The following ST6GALNAC3 variants were observed in gnomAD, a reference collection of about 807,000 sequenced individuals.
The protein encoded by ST6GALNAC3 is alpha-N-acetylgalactosaminide alpha-2,6-sialyltransferase 3.
ST6GALNAC3 carries 25 observed loss-of-function variants against 32.7 expected under a neutral mutation model. The ratio of observed to expected loss-of-function variants is 0.76; its 90% CI spans 0.56 to 1.07. The LOEUF is 1.07. Among genes scored for constraint, ST6GALNAC3 ranks in the 50% least tolerant of loss-of-function variants. The pLI, the probability that ST6GALNAC3 is intolerant of heterozygous loss-of-function variation, is 0.00. For missense variants in ST6GALNAC3, 355 were observed against 382.4 expected, an observed-to-expected ratio of 0.93 and a Z score of 0.60; for synonymous variants, 129 against 133.1, an observed-to-expected ratio of 0.97 and a Z score of 0.21.
chr1:76,558,015 T>A (rs1266536400), intron 3 of ST6GALNAC3, among the ~76,000 whole-genome samples: 1 of 151,996 alleles, frequency 6.6e-6, no homozygotes, highest in Non-Finnish European at 1.5e-5. Flanking sequence ...TGATAAATAT[T>A]TCCCCAAAAA....
intron 1 of ST6GALNAC3, among the ~76,000 whole-genome samples, chr1:76,173,231 G>A (rs1328635905): frequency 6.6e-6 from 1 of 152,116 alleles, no homozygotes; most frequent in African/African-American, 2.4e-5. Flanking sequence ...AATAAGCAAT[G>A]GGAAAGAATC....
rs375441043 is a variant in ST6GALNAC3 at position 76,628,766 on chromosome 1, A to G, written c.878A>G (p.His293Arg). 1 of 1,612,290 alleles carries G rather than the reference A, an allele frequency of 6.2e-7. No homozygotes were observed. Among genetic ancestry groups the G allele is most frequent in the African/African-American group, 1.3e-5 (1 of 74,852 alleles). The change falls in exon 5 of 5, where the codon CAC becomes CGC. Residue 293 changes from histidine (H) to arginine (R), a missense_variant. Transcript: ENST00000328299. ...KKVFAKWAKK[H>R]RIIFTHPNWT... ...GTGTTTGCTAAATGGGCCAAGAAGC[A>G]CAGGATAATATTTACACATCCAAAC...
At chr1:76,239,517 G>A (rs1656847606) in intron 1 of ST6GALNAC3, among the ~76,000 whole-genome samples, 1 of 152,078 alleles carries the variant, frequency 6.6e-6, no homozygotes, top group Non-Finnish European at 1.5e-5. Context: ...AGGCAAAGGG[G>A]GAGCAGGTGT....
intron 1 of ST6GALNAC3, among the ~76,000 whole-genome samples, chr1:76,302,884 G>A (rs908292938): frequency 3.3e-5 from 5 of 151,942 alleles, no homozygotes; most frequent in Non-Finnish European, 5.9e-5. Context: ...TATTGAAAAC[G>A]AAAGTACACT....
chr1:76,083,130 G>A (rs568315244), intron 1 of ST6GALNAC3, among the ~76,000 whole-genome samples: 1 of 152,318 alleles, frequency 6.6e-6, no homozygotes, highest in East Asian at 1.9e-4. Context: ...CTTGCTCTGA[G>A]AAGATCATGA....
chr1:76,440,954 G>T (rs1656537191), intron 3 of ST6GALNAC3, among the ~76,000 whole-genome samples: 1 of 152,030 alleles, frequency 6.6e-6, no homozygotes, highest in African/African-American at 2.4e-5. Context: ...TGGGCATGGT[G>T]GGGTGTGCCT....
At chr1:76,150,258 A>G (rs1019377700) in intron 1 of ST6GALNAC3, among the ~76,000 whole-genome samples, 6 of 152,096 alleles carry the variant, frequency 3.9e-5, no homozygotes, top group Admixed American at 3.9e-4. Context: ...TTTTACGTTG[A>G]GTGCTTTGGT....
At chr1:76,547,620 G>C (rs925493424) in intron 3 of ST6GALNAC3, among the ~76,000 whole-genome samples, 1 of 152,002 alleles carries the variant, frequency 6.6e-6, no homozygotes, top group Non-Finnish European at 1.5e-5. Context: ...CTTGGGAGGC[G>C]GAGGGGAGTG....
At chr1:76,230,087 T>G (rs957235958) in intron 1 of ST6GALNAC3, among the ~76,000 whole-genome samples, 7 of 152,214 alleles carry the variant, frequency 4.6e-5, no homozygotes, top group Non-Finnish European at 1.0e-4. Flanking sequence ...CCTCATACTT[T>G]TGTTTCTGCT....
intron 3 of ST6GALNAC3, among the ~76,000 whole-genome samples, chr1:76,557,019 A>G (rs1461089546): frequency 4.6e-5 from 7 of 151,834 alleles, no homozygotes; most frequent in East Asian, 1.9e-4. Flanking sequence ...GCTTAGGTCT[A>G]TTATCTATTT....
chr1:76,392,626 A>G (rs537082938), intron 2 of ST6GALNAC3, among the ~76,000 whole-genome samples: 1 of 152,326 alleles, frequency 6.6e-6, no homozygotes, highest in African/African-American at 2.4e-5. Flanking sequence ...AAATAATGGG[A>G]TTAATCAGCC....
chr1:76,444,596 G>A (rs1458133144), intron 3 of ST6GALNAC3, among the ~76,000 whole-genome samples: 5 of 152,122 alleles, frequency 3.3e-5, no homozygotes, highest in Non-Finnish European at 7.4e-5. Context: ...AAGTACCTAG[G>A]GATGTCCTTT....
intron 3 of ST6GALNAC3, among the ~76,000 whole-genome samples, chr1:76,437,099 T>A (rs77060362): frequency 6.6e-6 from 1 of 152,150 alleles, no homozygotes; most frequent in Non-Finnish European, 1.5e-5. Context: ...GACTCCCCTC[T>A]GTGTACCTGT....
In ST6GALNAC3 at chr1:76,629,246, T is replaced by C. The variant is rs1459488503; in HGVS notation, c.*440T>C. On this transcript the variant is annotated 3_prime_UTR_variant, in exon 5 of 5. Coordinates refer to ENST00000328299, the MANE Select transcript of ST6GALNAC3 (RefSeq NM_152996.4). ...GCAGTTCCGCCATCTTGAAGAATGATTGATTGTCAAACACTGACCCAAGAA... is the reference window on the plus strand; with the variant it reads ...GCAGTTCCGCCATCTTGAAGAATGACTGATTGTCAAACACTGACCCAAGAA... 3.0e-6 allele frequency: 3 copies of C among 996,478 alleles called. No homozygotes were observed. Among genetic ancestry groups the C allele is most frequent in the East Asian group, 1.1e-4 (1 of 8,886 alleles). The allele number at this position is 996,478 out of a possible 1,614,324, so 61.7% of individuals were successfully genotyped here.
chr1:76,483,454 T>G (rs530178598), intron 3 of ST6GALNAC3, among the ~76,000 whole-genome samples: 3 of 152,340 alleles, frequency 2.0e-5, no homozygotes, highest in African/African-American at 7.2e-5. Flanking sequence ...GTGGCTTTGA[T>G]TTACATTTCT....
At chr1:76,535,254 A>C (rs1258755518) in intron 3 of ST6GALNAC3, among the ~76,000 whole-genome samples, 1 of 152,180 alleles carries the variant, frequency 6.6e-6, no homozygotes, top group African/African-American at 2.4e-5. Flanking sequence ...AGTGTCTACT[A>C]TTATTTTTAT....
chr1:76,300,862 T>C (rs927190204), intron 1 of ST6GALNAC3, among the ~76,000 whole-genome samples: 22 of 151,972 alleles, frequency 1.4e-4, no homozygotes, highest in African/African-American at 5.3e-4. Context: ...GGCAGGACGG[T>C]TTCACAGAGG....
intron 1 of ST6GALNAC3, among the ~76,000 whole-genome samples, chr1:76,294,511 A>AAGAGAGAG (rs1660279906): frequency 1.3e-5 from 2 of 152,122 alleles, no homozygotes; most frequent in South Asian, 4.1e-4. Context: ...GGCTTACAGA[A>AAGAGAGAG]AGAGAGAGAA....
rs185691247 is a variant in ST6GALNAC3 at position 76,252,809 on chromosome 1, C to G, written c.19-60996C>G. Reference sequence around the variant, plus strand: ...TAATTGGTAAGCCGCTCTGTGATAGCATTCAATTTAAATGAGGTTTGTCGA... The same window carrying G: ...TAATTGGTAAGCCGCTCTGTGATAGGATTCAATTTAAATGAGGTTTGTCGA... On this transcript the variant is annotated intron_variant, in intron 1 of 4. Coordinates refer to ENST00000328299, the MANE Select transcript of ST6GALNAC3 (RefSeq NM_152996.4). Among the ~76,000 whole-genome samples, 128 of 152,268 alleles carry G rather than the reference C, an allele frequency of 8.4e-4. 1 individual carries two copies. Among genetic ancestry groups the G allele is most frequent in the Middle Eastern group, 3.4e-3 (1 of 294 alleles).
Sources: allele counts gnomAD v4.1 joint callset (sites outside exome capture counted in the v4.1 genomes callset), GRCh38; gene constraint gnomAD v4.1.1; transcripts MANE v1.5; gene names NCBI Gene and HGNC (gene_info 2026-07-23, HGNC 2026-07-21).